The following C19orf44 variants were observed in gnomAD, a reference collection of about 807,000 sequenced individuals.
C19orf44 encodes uncharacterized protein C19orf44.
In C19orf44, 43 loss-of-function variants were observed where a neutral mutation model predicts 50.7. That is an observed-to-expected ratio of 0.85 (90% confidence interval 0.66 to 1.09). The LOEUF (loss-of-function observed/expected upper bound fraction) is 1.09, where lower values mean the gene tolerates loss of function less well. C19orf44 is among the 50% of genes least tolerant of loss of function. The probability of loss-of-function intolerance (pLI) is 0.00; values close to 1 mark genes in which losing one functional copy is unlikely to be tolerated. For synonymous variants in C19orf44, 298 were observed against 334.7 expected (o/e 0.89, Z 1.20); for missense variants, 722 against 836.2 (o/e 0.86, Z 1.68).
intron 2 of C19orf44, among the ~76,000 whole-genome samples, chr19:16,502,639 T>C (rs2093428795): frequency 6.6e-6 from 1 of 152,156 alleles, no homozygotes; most frequent in African/African-American, 2.4e-5. Context: ...AAAAATGTGA[T>C]ACCTGTGGTC....
In C19orf44 at chr19:16,509,907, G is replaced by T. The variant is rs1162708488; in HGVS notation, c.1558G>T (p.Gly520Cys). 1 of 1,614,266 alleles carries T rather than the reference G, an allele frequency of 6.2e-7. No individual in the cohort carries two copies. The highest frequency in any genetic ancestry group is 1.7e-5 in the Admixed American group (1 of 60,026). Residue 520 changes from glycine (G) to cysteine (C), a missense_variant, in exon 5 of 9, where the codon GGC becomes TGC. Physicochemically the swap from Gly to Cys is radical, Grantham distance 159. Coordinates refer to ENST00000221671, the MANE Select transcript of C19orf44 (RefSeq NM_032207.4). ...PQTAESRKKS[G>C]RHVTRVLVKD... Reference sequence around the variant, plus strand: ...AACAGCCGAGTCTAGGAAAAAGTCGGGCAGGCACGTGACAAGAGTGCTTGT... The same window carrying T: ...AACAGCCGAGTCTAGGAAAAAGTCGTGCAGGCACGTGACAAGAGTGCTTGT...
intron 7 of C19orf44, 75 bp downstream of exon 7, chr19:16,514,738 A>G (rs2122222223): frequency 7.0e-7 from 1 of 1,420,296 alleles, no homozygotes; most frequent in Non-Finnish European, 9.3e-7. Context: ...CCGAAGGGAT[A>G]TGGGCCGGGG....
chr19:16,505,684 TTATGATA>T (rs1275023508), intron 3 of C19orf44, among the ~76,000 whole-genome samples: 1 of 152,166 alleles, frequency 6.6e-6, no homozygotes, highest in Non-Finnish European at 1.5e-5. Context: ...TCATTATTTG[TTATGATA>T]ATTATTTTTG....
intron 7 of C19orf44, 28 bp downstream of exon 7, chr19:16,514,691 C>G (rs1315771418): frequency 6.5e-7 from 1 of 1,530,600 alleles, no homozygotes; most frequent in African/African-American, 1.4e-5. Context: ...TGGGCAGGGG[C>G]AGGGCAGTAG....
rs535701844 is a variant in C19orf44, at chr19:16,514,724, C to T, written c.1902+61C>T. ...TAGGGGAGCGGCAGCTCCCAGAGGC[C>T]GGGCCGAAGGGATATGGGCCGGGGC... On this transcript the variant is annotated intron_variant, in intron 7 of 8. Transcript: ENST00000221671. 3.8e-4 allele frequency: 553 copies of T among 1,448,176 alleles called. 1 individual carries two copies. Among genetic ancestry groups the T allele is most frequent in the Non-Finnish European group, 4.8e-4 (521 of 1,095,970 alleles). 89.7% of individuals were successfully genotyped at this position (1,448,176 alleles called of 1,614,324 possible). A position where few individuals can be genotyped will look rare whatever the true frequency, so the allele number is the denominator to read the frequency against.
Position 16,519,804 on chromosome 19 carries a change from G to C in C19orf44, c.*41-290G>C. On this transcript the variant is annotated intron_variant, in intron 8 of 8. Transcript: ENST00000221671. The surrounding 1 kb of genome is among the most constrained non-coding windows in gnomAD (Gnocchi z 6.0). ...TGAGGACCTCACAGCCGCAGCTTGCGTGCATGCTCACTGTCACCAGGTGAC... is the reference window on the plus strand; with the variant it reads ...TGAGGACCTCACAGCCGCAGCTTGCCTGCATGCTCACTGTCACCAGGTGAC... 1 of 1,120,280 alleles carries C rather than the reference G, an allele frequency of 8.9e-7. No individual in the cohort carries two copies. Among genetic ancestry groups the C allele is most frequent in the Non-Finnish European group, 1.4e-6 (1 of 732,250 alleles). 69.4% of individuals were successfully genotyped at this position (1,120,280 alleles called of 1,614,324 possible).
At chr19:16,507,141 C>T (rs982462238) in intron 4 of C19orf44, among the ~76,000 whole-genome samples, 8 of 152,226 alleles carry the variant, frequency 5.3e-5, no homozygotes, top group Non-Finnish European at 7.3e-5. Flanking sequence ...GCCAGGAACA[C>T]TGCTCCATAT....
intron 5 of C19orf44, among the ~76,000 whole-genome samples, chr19:16,510,558 CG>C (rs1397147355): frequency 2.0e-5 from 3 of 152,012 alleles, no homozygotes; most frequent in Admixed American, 6.6e-5. Context: ...GGATGATTCA[CG>C]GGGGGACTCC....
At chr19:16,508,758 C>T (rs938375252) in intron 4 of C19orf44, among the ~76,000 whole-genome samples, 1 of 151,992 alleles carries the variant, frequency 6.6e-6, no homozygotes, top group Admixed American at 6.6e-5. Context: ...CCAGGCAGGT[C>T]TTGAACTCCT....
rs1266570321 is a variant in C19orf44 at position 16,519,074 on chromosome 19, T to C, written c.*41-1020T>C. 8.1e-7 allele frequency: 1 copy of C among 1,235,964 alleles called. No homozygotes were observed. 76.6% of individuals were successfully genotyped at this position (1,235,964 alleles called of 1,614,324 possible). ...TGGAGACGGTGTAAGAACTGAGCTG[T>C]CACTGCAATCTTCCTCTGCCAGTCA... On this transcript the variant is annotated intron_variant, in intron 8 of 8. Transcript: ENST00000221671. The surrounding 1 kb of genome is among the most constrained non-coding windows in gnomAD (Gnocchi z 6.0).
rs771552095 is a variant in C19orf44 at position 16,517,268 on chromosome 19, G to A, written c.1941G>A (p.Glu647=). ...RCHRPAPLTM[E]DALEEVNKEL Reference sequence around the variant, plus strand: ...ACAGACCTGCCCCACTGACCATGGAGGATGCCCTGGAGGAGGTGAACAAGG... The same window carrying A: ...ACAGACCTGCCCCACTGACCATGGAAGATGCCCTGGAGGAGGTGAACAAGG... Residue 647 remains glutamate, a synonymous_variant, in exon 8 of 9, where the codon GAG becomes GAA. Transcript: ENST00000221671. The A allele has an allele frequency of 1.2e-5, 19 of 1,614,062 alleles. No homozygotes were observed. The highest frequency in any genetic ancestry group is 8.3e-5 in the Admixed American group (5 of 60,004).
chr19:16,500,695 G>A lies in C19orf44; in HGVS notation c.-1-97G>A. ...TTGAAGGGAAGACTGTGGCTGGGTTGCAAAAGACAGTGTGAGCTTTTGCCA... is the reference window on the plus strand; with the variant it reads ...TTGAAGGGAAGACTGTGGCTGGGTTACAAAAGACAGTGTGAGCTTTTGCCA... On this transcript the variant is annotated intron_variant, in intron 1 of 8. Transcript: ENST00000221671. 5 of 1,240,512 alleles carry A rather than the reference G, an allele frequency of 4.0e-6. No individual in the cohort carries two copies. The South Asian group carries it at 4.5e-5, about 11-fold the overall frequency. The allele number at this position is 1,240,512 out of a possible 1,614,324, so 76.8% of individuals were successfully genotyped here. A position where few individuals can be genotyped will look rare whatever the true frequency, so the allele number is the denominator to read the frequency against.
At position 16,501,149 on chromosome 19, in the gene C19orf44, C is replaced by T; in HGVS notation, c.357C>T (p.Asp119=). The change falls in exon 2 of 9, where the codon GAC becomes GAT. Residue 119 remains aspartate (D), a synonymous_variant. Coordinates refer to ENST00000221671, the MANE Select transcript of C19orf44 (RefSeq NM_032207.4). ...GGAATTTGTCTGACACGGAATCTGA[C>T]TCAATGACCGCCGATGCTGGTCTTC... ...LQRNLSDTES[D]SMTADAGLPK... 6.2e-7 allele frequency: 1 copy of T among 1,614,038 alleles called. No individual in the cohort carries two copies. Among genetic ancestry groups the T allele is most frequent in the Non-Finnish European group, 8.5e-7 (1 of 1,179,956 alleles).
intron 8 of C19orf44, 113 bp downstream of exon 8, chr19:16,517,454 C>A: frequency 1.4e-6 from 1 of 707,194 alleles, no homozygotes; most frequent in Middle Eastern, 2.5e-4. Context: ...GATGGACACA[C>A]ACACACACAG....
chr19:16,505,434 C>T (rs1000696866), intron 3 of C19orf44, among the ~76,000 whole-genome samples: 7 of 146,864 alleles, frequency 4.8e-5, no homozygotes, highest in African/African-American at 1.3e-4. Context: ...GGCTGGTCTT[C>T]GACTCCTGAC....
At position 16,519,643 on chromosome 19, in the gene C19orf44, G is replaced by A. The variant is rs2085588911; in HGVS notation, c.*41-451G>A. 2 of 1,614,048 alleles carry A rather than the reference G, an allele frequency of 1.2e-6. No individual in the cohort carries two copies. Among genetic ancestry groups the A allele is most frequent in the Admixed American group, 1.7e-5 (1 of 60,010 alleles). ...TACCCATCTTCACCAGCATCTGATG[G>A]CCTTTGTTCTCTTCTCCGAGCCTTG... is the stretch of plus-strand genomic sequence containing the variant. On this transcript the variant is annotated intron_variant, in intron 8 of 8. Coordinates refer to ENST00000221671, the MANE Select transcript of C19orf44 (RefSeq NM_032207.4). This position sits in a 1 kb window ranked among gnomAD's most constrained non-coding sequence, Gnocchi z 6.0.
At chr19:16,505,930 T>G (rs1026430421) in intron 3 of C19orf44, among the ~76,000 whole-genome samples, 9 of 150,234 alleles carry the variant, frequency 6.0e-5, no homozygotes, top group Non-Finnish European at 1.0e-4. Context: ...GATCTGCCCA[T>G]CTCGGCCTCC....
At chr19:16,497,729 GTA>G (rs773566187) in intron 1 of C19orf44, among the ~76,000 whole-genome samples, 116 of 152,178 alleles carry the variant, frequency 7.6e-4, no homozygotes, top group Non-Finnish European at 1.4e-3. Context: ...TTGCTGAACT[GTA>G]TTACACTGTA....
In C19orf44 at chr19:16,520,777, A is replaced by T; in HGVS notation, c.*724A>T. ...TCTGGGGTCTGCTCCCACCCATCAC[A>T]AGCTGTGGACCCTGGCCCCCCGGCC... On this transcript the variant is annotated 3_prime_UTR_variant, in exon 9 of 9. Coordinates refer to ENST00000221671, the MANE Select transcript of C19orf44 (RefSeq NM_032207.4). The surrounding 1 kb of genome is among the most constrained non-coding windows in gnomAD (Gnocchi z 4.0). 5 of 1,555,864 alleles carry T rather than the reference A, an allele frequency of 3.2e-6. No individual in the cohort carries two copies. Among genetic ancestry groups the T allele is most frequent in the Non-Finnish European group, 4.4e-6 (5 of 1,129,468 alleles).
Sources: gnomAD v4.1 joint callset for allele counts (sites outside exome capture counted in the v4.1 genomes callset) on GRCh38, gnomAD v4.1.1 for gene constraint, Gnocchi (gnomAD v3.1) non-coding constraint, MANE v1.5 for transcripts, NCBI Gene and HGNC (gene_info 2026-07-23, HGNC 2026-07-21) for gene names.